PCBP3: variants seen among roughly 807,000 people sequenced by gnomAD.
PCBP3 encodes poly(rC) binding protein 3, also known as poly(rC)-binding protein 3.
A neutral mutation model predicts 52.7 loss-of-function variants in PCBP3; 25 were observed. That is an observed-to-expected ratio of 0.47 (90% CI 0.35 to 0.66). The LOEUF is 0.66. PCBP3 is among the 30% of genes least tolerant of loss of function. PCBP3 has a pLI of 0.01. For missense variants in PCBP3, 391 were observed against 490.3 expected (o/e 0.80, Z 1.91); for synonymous variants, 162 against 183.0 (o/e 0.89, Z 0.93).
At chr21:45,902,687 A>T (rs1286371018) in intron 9 of PCBP3, among the ~76,000 whole-genome samples, 4 of 152,214 alleles carry the variant, frequency 2.6e-5, no homozygotes, top group Admixed American at 2.6e-4. Flanking sequence ...AGCCATGAGG[A>T]CCAGCCTTGG....
At chr21:45,730,489 A>C (rs1343724861) in intron 2 of PCBP3, among the ~76,000 whole-genome samples, 2 of 152,164 alleles carry the variant, frequency 1.3e-5, no homozygotes, top group Admixed American at 6.5e-5. Flanking sequence ...GACCACTTGA[A>C]AAGAAGGCAT....
rs114578278 is a variant in PCBP3, at chr21:45,809,251, A to G, written c.-125-40710A>G. Among the ~76,000 whole-genome samples the G allele has an allele frequency of 4.2e-3, 634 of 152,304 alleles. 4 individuals carry two copies. The highest frequency in any genetic ancestry group is 0.015 in the African/African-American group (604 of 41,572). On this transcript the variant is annotated intron_variant, in intron 4 of 17. Coordinates refer to ENST00000681687, the MANE Select transcript of PCBP3 (RefSeq NM_001384156.1). ...TCTGCCTGTATCATTTCACAATTAT[A>G]TAAATATTGGACGACTTATTGTAGT...
At chr21:45,744,005 T>C (rs141026793) in intron 3 of PCBP3, among the ~76,000 whole-genome samples, 1 of 152,110 alleles carries the variant, frequency 6.6e-6, no homozygotes, top group Non-Finnish European at 1.5e-5. Flanking sequence ...ATATAATTTC[T>C]ACCATGGTTA....
At chr21:45,824,218 C>G (rs1034892319) in intron 4 of PCBP3, among the ~76,000 whole-genome samples, 1 of 152,208 alleles carries the variant, frequency 6.6e-6, no homozygotes, top group Non-Finnish European at 1.5e-5. Flanking sequence ...TCATTTCTCT[C>G]GGACACTCAG....
At position 45,646,105 on chromosome 21, in the gene PCBP3, C is replaced by CTGTGTGTGTGTGTG. The variant is rs1342511407; in HGVS notation, c.-279+2238_-279+2239insGTGTGTGTGTGTGT. 1.9e-3 allele frequency among the ~76,000 whole-genome samples: 180 copies of CTGTGTGTGTGTGTG among 92,958 alleles called. 1 individual carries two copies. Among genetic ancestry groups the CTGTGTGTGTGTGTG allele is most frequent in the Middle Eastern group, 4.9e-3 (1 of 204 alleles). The allele number at this position is 92,958 out of a possible 152,430, so 61.0% of individuals were successfully genotyped here. ...TCTTTCTCTCTCTCTCTCTCTCTCTCTCTGTGTGTGTGTGTGTGTGTGTGT... is the reference window on the plus strand; with the variant it reads ...TCTTTCTCTCTCTCTCTCTCTCTCTCTGTGTGTGTGTGTGTCTGTGTGTGTGTGTGTGTGTGTGT... On this transcript the variant is annotated intron_variant, in intron 1 of 17. Coordinates refer to ENST00000681687, the MANE Select transcript of PCBP3 (RefSeq NM_001384156.1).
At chr21:45,775,589 T>G (rs1171822408) in intron 4 of PCBP3, among the ~76,000 whole-genome samples, 1 of 152,148 alleles carries the variant, frequency 6.6e-6, no homozygotes, top group Non-Finnish European at 1.5e-5. Context: ...GCTAACTTTT[T>G]AAATTTTTCT....
intron 1 of PCBP3, among the ~76,000 whole-genome samples, chr21:45,646,689 A>G (rs931183175): frequency 6.6e-6 from 1 of 152,186 alleles, no homozygotes; most frequent in Non-Finnish European, 1.5e-5. Flanking sequence ...CCACCTCTCA[A>G]TACTGCTTCT....
At chr21:45,758,166 C>T (rs763925200) in intron 4 of PCBP3, among the ~76,000 whole-genome samples, 3 of 152,164 alleles carry the variant, frequency 2.0e-5, no homozygotes, top group Non-Finnish European at 4.4e-5. Context: ...CGTGAGCCAC[C>T]GTGCCTGGCC....
At chr21:45,906,749 A>T (rs1016576541) in intron 9 of PCBP3, among the ~76,000 whole-genome samples, 4 of 152,140 alleles carry the variant, frequency 2.6e-5, no homozygotes, top group African/African-American at 9.7e-5. Context: ...ATGTACATTT[A>T]AGGTGCCATC....
chr21:45,680,698 T>C (rs138103870), intron 2 of PCBP3, among the ~76,000 whole-genome samples: 350 of 152,290 alleles, frequency 2.3e-3, no homozygotes, highest in African/African-American at 7.6e-3. Flanking sequence ...TATTTCCTTA[T>C]TACACAGGTT....
chr21:45,843,424 CTTTA>C (rs981509977), intron 4 of PCBP3, among the ~76,000 whole-genome samples: 9 of 152,162 alleles, frequency 5.9e-5, no homozygotes, highest in African/African-American at 2.2e-4. Flanking sequence ...CTGAACTTTT[CTTTA>C]TTATTACCTT....
At chr21:45,890,885 T>C (rs2095642180) in intron 5 of PCBP3, among the ~76,000 whole-genome samples, 1 of 150,472 alleles carries the variant, frequency 6.6e-6, no homozygotes, top group African/African-American at 2.4e-5. Context: ...CTTGGAACTC[T>C]GTGCACTGCT....
At chr21:45,738,671 A>C (rs962046690) in intron 3 of PCBP3, among the ~76,000 whole-genome samples, 16 of 152,306 alleles carry the variant, frequency 1.1e-4, no homozygotes, top group African/African-American at 3.6e-4. Flanking sequence ...GAAGGGTATC[A>C]GGGGATTGTC....
Position 45,837,732 on chromosome 21 carries a change from C to G in PCBP3, c.-125-12229C>G, listed in dbSNP as rs1022768181. Among the ~76,000 whole-genome samples the G allele has an allele frequency of 6.6e-6, 1 of 152,198 alleles. No homozygotes were observed. The highest frequency in any genetic ancestry group is 6.5e-5 in the Admixed American group (1 of 15,284). On this transcript the variant is annotated intron_variant, in intron 4 of 17. Transcript: ENST00000681687. This position sits in a 1 kb window ranked among gnomAD's most constrained non-coding sequence, Gnocchi z 4.1. ...TGAGGCGAGCGAGCTTCCTAGGTGGCACTGCACGTTGCACCGCATGGCATG... is the reference window on the plus strand; with the variant it reads ...TGAGGCGAGCGAGCTTCCTAGGTGGGACTGCACGTTGCACCGCATGGCATG...
At chr21:45,647,142 G>A (rs1398550394) in intron 1 of PCBP3, among the ~76,000 whole-genome samples, 4 of 152,218 alleles carry the variant, frequency 2.6e-5, no homozygotes, top group African/African-American at 7.2e-5. Context: ...AAGCTAAGCA[G>A]TGGATTGTTG....
At chr21:45,661,546 C>T (rs1569087988) in intron 1 of PCBP3, among the ~76,000 whole-genome samples, 2 of 152,072 alleles carry the variant, frequency 1.3e-5, no homozygotes, top group Non-Finnish European at 2.9e-5. Context: ...TTTCTTTATC[C>T]AGTCAGCTGT....
intron 5 of PCBP3, among the ~76,000 whole-genome samples, chr21:45,886,425 G>T (rs1047273744): frequency 2.7e-5 from 3 of 112,808 alleles, no homozygotes; most frequent in African/African-American, 3.5e-5. Flanking sequence ...TCATTGCTGC[G>T]GGTGCCAAGG....
Position 45,863,452 on chromosome 21 carries a change from C to G in PCBP3, c.10+13357C>G, listed in dbSNP as rs911962144. 4.6e-5 allele frequency among the ~76,000 whole-genome samples: 7 copies of G among 152,316 alleles called. 1 individual carries two copies. The East Asian group carries it at 1.2e-3, about 25-fold the overall frequency. ...GCTGCGGCCGTGTGTCCTACAGGCTCGCCGGGCTGTTGAGTCGCCCCTGTT... is the reference window on the plus strand; with the variant it reads ...GCTGCGGCCGTGTGTCCTACAGGCTGGCCGGGCTGTTGAGTCGCCCCTGTT... On this transcript the variant is annotated intron_variant, in intron 5 of 17. Coordinates refer to ENST00000681687, the MANE Select transcript of PCBP3 (RefSeq NM_001384156.1).
At chr21:45,721,200 G>T (rs1458006550) in intron 2 of PCBP3, among the ~76,000 whole-genome samples, 1 of 152,142 alleles carries the variant, frequency 6.6e-6, no homozygotes, top group African/African-American at 2.4e-5. Flanking sequence ...ATCACTTGAG[G>T]CCAGGAGTTT....
Sources: allele counts gnomAD v4.1 joint callset (sites outside exome capture counted in the v4.1 genomes callset), GRCh38; gene constraint gnomAD v4.1.1; non-coding constraint Gnocchi (gnomAD v3.1); transcripts MANE v1.5; gene names NCBI Gene and HGNC (gene_info 2026-07-23, HGNC 2026-07-21).